CTNND2: variants seen among roughly 807,000 people sequenced by gnomAD.
CTNND2 encodes catenin delta 2.
A neutral mutation model predicts 144.4 loss-of-function variants in CTNND2; 22 were observed. The ratio of observed to expected loss-of-function variants is 0.15; its 90% CI spans 0.11 to 0.22. CTNND2 has a LOEUF of 0.22. Ranked by LOEUF, CTNND2 falls within the 10% of genes least tolerant of loss-of-function variation. CTNND2 has a pLI of 1.00. For synonymous variants in CTNND2, 751 were observed against 695.6 expected (o/e 1.08, Z -1.25); for missense variants, 1,353 against 1,618.8 (o/e 0.84, Z 2.82).
At chr5:11,371,738 T>A (rs1008335566) in intron 7 of CTNND2, among the ~76,000 whole-genome samples, 4 of 152,232 alleles carry the variant, frequency 2.6e-5, no homozygotes, top group African/African-American at 9.6e-5. Context: ...GTAATTAATT[T>A]GACATCTTAT....
chr5:11,512,682 A>G lies in CTNND2; in HGVS notation c.287+52262T>C, dbSNP rs973397961. 2.0e-5 allele frequency among the ~76,000 whole-genome samples: 3 copies of G among 152,356 alleles called. No homozygotes were observed. In the East Asian group the frequency reaches 5.8e-4, roughly 29 times the overall value. On this transcript the variant is annotated intron_variant, in intron 3 of 21. Coordinates refer to ENST00000304623, the MANE Select transcript of CTNND2 (RefSeq NM_001332.4). ...TAGGTAGGTCCAGCACCTGTGGTCAACAGTATTAGCATGGTAAGTGATTTC... is the reference window on the plus strand; with the variant it reads ...TAGGTAGGTCCAGCACCTGTGGTCAGCAGTATTAGCATGGTAAGTGATTTC...
intron 6 of CTNND2, 112 bp from the exon 7 acceptor site, chr5:11,385,341 C>T (rs1004907504): frequency 6.9e-6 from 5 of 723,668 alleles, no homozygotes; most frequent in South Asian, 6.2e-5. Context: ...CGCGGGCGCC[C>T]GGCGGCTCTG....
chr5:11,013,700 C>A (rs1284339431), intron 18 of CTNND2, among the ~76,000 whole-genome samples: 2 of 152,326 alleles, frequency 1.3e-5, no homozygotes, highest in East Asian at 3.9e-4. Flanking sequence ...GTGATTACAG[C>A]TGACATTAAA....
chr5:11,453,862 G>A (rs1335787554), intron 3 of CTNND2, among the ~76,000 whole-genome samples: 1 of 151,540 alleles, frequency 6.6e-6, no homozygotes, highest in Non-Finnish European at 1.5e-5. Flanking sequence ...TACTCTTCTT[G>A]AAAATCATTT....
At chr5:11,143,682 C>A (rs1014260327) in intron 12 of CTNND2, among the ~76,000 whole-genome samples, 7 of 152,208 alleles carry the variant, frequency 4.6e-5, no homozygotes, top group African/African-American at 1.7e-4. Flanking sequence ...GTTAGGACTG[C>A]AAAATGTGAA....
intron 1 of CTNND2, among the ~76,000 whole-genome samples, chr5:11,752,952 G>A (rs556158277): frequency 4.5e-4 from 68 of 151,694 alleles, no homozygotes; most frequent in Admixed American, 1.6e-3. Flanking sequence ...TGTGAATGGG[G>A]TTGGTTTCTT....
intron 1 of CTNND2, among the ~76,000 whole-genome samples, chr5:11,852,780 G>A (rs987454030): frequency 2.6e-5 from 4 of 152,166 alleles, no homozygotes; most frequent in Non-Finnish European, 5.9e-5. Flanking sequence ...TGAATTACTT[G>A]TTCATAGAAG....
At chr5:11,084,845 C>A (rs887059396) in intron 15 of CTNND2, among the ~76,000 whole-genome samples, 2 of 152,150 alleles carry the variant, frequency 1.3e-5, no homozygotes, top group South Asian at 2.1e-4. Flanking sequence ...ACAGGAGACA[C>A]CTGTGCCCTT....
chr5:11,760,000 T>C (rs1298356902), intron 1 of CTNND2, among the ~76,000 whole-genome samples: 2 of 144,750 alleles, frequency 1.4e-5, no homozygotes, highest in East Asian at 2.0e-4. Context: ...AAATCATTCA[T>C]GGACCACATA....
intron 1 of CTNND2, among the ~76,000 whole-genome samples, chr5:11,873,191 C>T (rs541124465): frequency 9.2e-5 from 14 of 152,118 alleles, no homozygotes; most frequent in African/African-American, 3.1e-4. Context: ...GTCCAAAACC[C>T]GTATATAGTA....
At chr5:11,502,576 G>T (rs2150011293) in intron 3 of CTNND2, among the ~76,000 whole-genome samples, 1 of 152,222 alleles carries the variant, frequency 6.6e-6, no homozygotes, top group South Asian at 2.1e-4. Context: ...ATCTTCCACA[G>T]CAGCCCTCAC....
At chr5:11,626,114 G>A (rs1781137411) in intron 2 of CTNND2, among the ~76,000 whole-genome samples, 1 of 152,064 alleles carries the variant, frequency 6.6e-6, no homozygotes, top group Non-Finnish European at 1.5e-5. Context: ...ATAATGTAAA[G>A]GCAACCCAAC....
At chr5:11,038,187 T>G (rs1230078310) in intron 16 of CTNND2, among the ~76,000 whole-genome samples, 2 of 152,176 alleles carry the variant, frequency 1.3e-5, no homozygotes, top group Non-Finnish European at 2.9e-5. Context: ...TTGTGTAGCT[T>G]AGGGCAGGGG....
intron 1 of CTNND2, among the ~76,000 whole-genome samples, chr5:11,836,781 C>T (rs1433486421): frequency 6.6e-6 from 1 of 152,108 alleles, no homozygotes; most frequent in African/African-American, 2.4e-5. Flanking sequence ...GGTATATTGG[C>T]AATGAAAATA....
intron 2 of CTNND2, among the ~76,000 whole-genome samples, chr5:11,609,652 T>G (rs1303452567): frequency 1.3e-5 from 2 of 152,222 alleles, no homozygotes; most frequent in Non-Finnish European, 2.9e-5. Flanking sequence ...TATAGACTGA[T>G]AAGGCCCAAC....
intron 1 of CTNND2, among the ~76,000 whole-genome samples, chr5:11,760,696 T>C (rs1054749860): frequency 2.0e-5 from 3 of 152,136 alleles, no homozygotes; most frequent in African/African-American, 7.2e-5. Context: ...TTCCATGTTA[T>C]TACGAGCAGA....
intron 3 of CTNND2, among the ~76,000 whole-genome samples, chr5:11,504,495 G>A (rs944814795): frequency 6.6e-6 from 1 of 152,150 alleles, no homozygotes; most frequent in Non-Finnish European, 1.5e-5. Context: ...AAGAGGCATG[G>A]CTGGCTTCCA....
chr5:11,379,456 C>T (rs1758266841), intron 7 of CTNND2, among the ~76,000 whole-genome samples: 1 of 152,084 alleles, frequency 6.6e-6, no homozygotes, highest in Non-Finnish European at 1.5e-5. Flanking sequence ...CATCCATAAG[C>T]TTCAGTTTTT....
chr5:11,312,136 T>C (rs1751022977), intron 9 of CTNND2, among the ~76,000 whole-genome samples: 6 of 86,828 alleles, frequency 6.9e-5, no homozygotes, highest in African/African-American at 1.8e-4. Flanking sequence ...CCATACATCC[T>C]CTCCCCCACC....
Sources: allele counts gnomAD v4.1 joint callset (sites outside exome capture counted in the v4.1 genomes callset), GRCh38; gene constraint gnomAD v4.1.1; transcripts MANE v1.5; gene names NCBI Gene and HGNC (gene_info 2026-07-23, HGNC 2026-07-21).